Variants in PARN observed in about 807,000 individuals in gnomAD.
The protein encoded by PARN is poly(A)-specific ribonuclease PARN.
A neutral mutation model predicts 102.8 loss-of-function variants in PARN; 71 were observed. That is an observed-to-expected ratio of 0.69 (90% CI 0.57 to 0.84). The LOEUF (loss-of-function observed/expected upper bound fraction) is 0.84, where lower values mean the gene tolerates loss of function less well. Ranked by LOEUF, PARN falls within the 40% of genes least tolerant of loss-of-function variation. The pLI is 0.00. For missense variants in PARN, 782 were observed against 760.9 expected, an observed-to-expected ratio of 1.03 and a Z score of -0.33; for synonymous variants, 261 against 252.9, an observed-to-expected ratio of 1.03 and a Z score of -0.30.
intron 21 of PARN, among the ~76,000 whole-genome samples, chr16:14,524,598 G>A (rs1965900209): frequency 1.3e-5 from 2 of 152,108 alleles, no homozygotes; most frequent in Admixed American, 6.5e-5. Flanking sequence ...TAATTTAAAG[G>A]AAACTCTTTA....
chr16:14,498,836 G>C (rs1964446632), intron 21 of PARN, among the ~76,000 whole-genome samples: 1 of 152,198 alleles, frequency 6.6e-6, no homozygotes, highest in Non-Finnish European at 1.5e-5. Flanking sequence ...AAAGAATGAG[G>C]ATGTTATTTT....
intron 6 of PARN, among the ~76,000 whole-genome samples, chr16:14,617,076 TA>T (rs869261969): frequency 2.1e-3 from 299 of 140,686 alleles, no homozygotes; most frequent in Middle Eastern, 0.015. Flanking sequence ...TGTTTTTTTT[TA>T]AAAAAAAAAA....
intron 21 of PARN, among the ~76,000 whole-genome samples, chr16:14,524,209 C>G (rs1965880620): frequency 6.6e-6 from 1 of 152,064 alleles, no homozygotes; most frequent in African/African-American, 2.4e-5. Context: ...GTGTTGTTTC[C>G]CCAAGACAGC....
intron 7 of PARN, 72 bp from the exon 8 acceptor site, chr16:14,609,195 C>A: frequency 1.4e-6 from 1 of 700,652 alleles, no homozygotes; most frequent in Non-Finnish European, 2.4e-6. Flanking sequence ...AAAATAATCA[C>A]AACCAAAAAC....
At chr16:14,526,258 G>T (rs1050136866) in intron 21 of PARN, among the ~76,000 whole-genome samples, 7 of 147,978 alleles carry the variant, frequency 4.7e-5, no homozygotes, top group African/African-American at 1.5e-4. Flanking sequence ...CTCACTGCAA[G>T]CTCCGCCTCC....
At chr16:14,530,406 A>C (rs1019215966) in intron 21 of PARN, among the ~76,000 whole-genome samples, 1 of 152,098 alleles carries the variant, frequency 6.6e-6, no homozygotes, top group Non-Finnish European at 1.5e-5. Context: ...TTAAATGAGG[A>C]CTTTAATCTG....
chr16:14,521,526 C>T (rs992903035), intron 21 of PARN, among the ~76,000 whole-genome samples: 42 of 152,296 alleles, frequency 2.8e-4, no homozygotes, highest in African/African-American at 9.9e-4. Context: ...GGGCCGGGCA[C>T]GGTGGCTCAC....
chr16:14,611,843 C>G (rs1010190319), intron 6 of PARN, among the ~76,000 whole-genome samples: 9 of 152,104 alleles, frequency 5.9e-5, no homozygotes, highest in African/African-American at 2.2e-4. Context: ...GCACGGCCAG[C>G]AAACTCTTTC....
At chr16:14,493,756 C>T (rs1039897470) in intron 21 of PARN, among the ~76,000 whole-genome samples, 6 of 152,220 alleles carry the variant, frequency 3.9e-5, no homozygotes, top group African/African-American at 1.4e-4. Context: ...GGAAGAGCTA[C>T]TGCTTAGGCT....
intron 21 of PARN, among the ~76,000 whole-genome samples, chr16:14,511,224 G>C (rs1481756047): frequency 1.3e-5 from 2 of 152,204 alleles, no homozygotes; most frequent in Non-Finnish European, 2.9e-5. Flanking sequence ...ACCTCCATGA[G>C]TTGACACAGG....
chr16:14,560,647 C>G (rs1395777617), intron 18 of PARN, among the ~76,000 whole-genome samples: 2 of 152,154 alleles, frequency 1.3e-5, no homozygotes, highest in African/African-American at 2.4e-5. Context: ...GCTTGTTATC[C>G]TGGCTTTCAA....
At chr16:14,449,163 G>T (rs1335557224) in intron 22 of PARN, among the ~76,000 whole-genome samples, 1 of 152,110 alleles carries the variant, frequency 6.6e-6, no homozygotes, top group Non-Finnish European at 1.5e-5. Flanking sequence ...TGAAAACTCA[G>T]CTAGAACCAC....
At chr16:14,511,375 G>A (rs1034615704) in intron 21 of PARN, among the ~76,000 whole-genome samples, 21 of 151,926 alleles carry the variant, frequency 1.4e-4, no homozygotes, top group Non-Finnish European at 2.1e-4. Flanking sequence ...GGGAAAGAGC[G>A]TCTAGACAGA....
At chr16:14,472,421 G>T (rs1200720478) in intron 22 of PARN, among the ~76,000 whole-genome samples, 1 of 152,184 alleles carries the variant, frequency 6.6e-6, no homozygotes, top group Non-Finnish European at 1.5e-5. Context: ...ATGAGTGGGG[G>T]TGGTGGAAAT....
At chr16:14,524,927 G>C (rs1965918529) in intron 21 of PARN, among the ~76,000 whole-genome samples, 1 of 152,030 alleles carries the variant, frequency 6.6e-6, no homozygotes, top group Non-Finnish European at 1.5e-5. Context: ...AAATATTATA[G>C]TCCAACCCAG....
At position 14,627,269 on chromosome 16, in the gene PARN, T is replaced by C. The variant is rs201235100; in HGVS notation, c.245A>G (p.Lys82Arg). The C allele has an allele frequency of 8.8e-6, 14 of 1,592,600 alleles. No homozygotes were observed. The highest frequency in any genetic ancestry group is 1.2e-5 in the Non-Finnish European group (14 of 1,168,152). Reference protein sequence around the residue: ...CTFKYDYTDSKYITKSFNFYV... With the variant: ...CTFKYDYTDSRYITKSFNFYV... ...CCCAACGTTTGTTAACACAACCTAC[T>C]TTGAATCTGTGTAGTCATACTTAAA... The change falls in exon 4 of 24, where the codon AAG becomes AGG. Residue 82 changes from lysine to arginine, a missense_variant and splice_region_variant. By Grantham distance (26) the Lys-to-Arg change is conservative. Coordinates refer to ENST00000437198, the MANE Select transcript of PARN (RefSeq NM_002582.4).
chr16:14,560,228 T>C (rs1028551353), intron 18 of PARN, among the ~76,000 whole-genome samples: 33 of 152,204 alleles, frequency 2.2e-4, no homozygotes, highest in Non-Finnish European at 1.6e-4. Flanking sequence ...GGATGTTCCA[T>C]CACTGTGAAC....
chr16:14,446,251 C>G (rs1961193108), intron 23 of PARN, among the ~76,000 whole-genome samples: 1 of 152,228 alleles, frequency 6.6e-6, no homozygotes, highest in African/African-American at 2.4e-5. Context: ...AGACCTGGGT[C>G]TGCCTTTCGG....
At chr16:14,594,848 GAGA>G (rs1193226320) in intron 12 of PARN, among the ~76,000 whole-genome samples, 4 of 152,206 alleles carry the variant, frequency 2.6e-5, no homozygotes, top group African/African-American at 9.6e-5. Context: ...AAATCTAACA[GAGA>G]AGCTGTCCTT....
Sources: allele counts gnomAD v4.1 joint callset (sites outside exome capture counted in the v4.1 genomes callset), GRCh38; gene constraint gnomAD v4.1.1; transcripts MANE v1.5; gene names NCBI Gene and HGNC (gene_info 2026-07-23, HGNC 2026-07-21).